PPAT: variants seen among roughly 807,000 people sequenced by gnomAD.
PPAT encodes phosphoribosyl pyrophosphate amidotransferase.
A neutral mutation model predicts 60.2 loss-of-function variants in PPAT; 20 were observed. The ratio of observed to expected loss-of-function variants is 0.33; its 90% confidence interval spans 0.23 to 0.48. PPAT has a LOEUF of 0.48. Ranked by LOEUF, PPAT falls within the 20% of genes least tolerant of loss-of-function variation. The pLI, the probability that PPAT is intolerant of heterozygous loss-of-function variation, is 0.99. For missense variants in PPAT, 349 were observed against 629.6 expected (o/e 0.55, Z 4.77); for synonymous variants, 194 against 215.1 (o/e 0.90, Z 0.86).
intron 1 of PPAT, among the ~76,000 whole-genome samples, chr4:56,432,033 T>A (rs1717611422): frequency 6.6e-6 from 1 of 152,218 alleles, no homozygotes; most frequent in Non-Finnish European, 1.5e-5. Context: ...GATGAACCCA[T>A]CTGGGTTAAA....
chr4:56,410,862 C>T (rs919098989), intron 1 of PPAT: 7 of 933,700 alleles, frequency 7.5e-6, no homozygotes, highest in South Asian at 1.0e-4. Flanking sequence ...TACCTGGAAA[C>T]GCTCAGCCCA....
intron 1 of PPAT, chr4:56,420,959 AG>A (rs1234962239): frequency 3.0e-5 from 3 of 99,880 alleles, no homozygotes; most frequent in Non-Finnish European, 6.2e-5. Context: ...TCTCTAGACC[AG>A]GGGTCCCCAA....
chr4:56,396,054 C>T lies in PPAT; in HGVS notation c.1358-506G>A, dbSNP rs939827344. 2.0e-5 allele frequency among the ~76,000 whole-genome samples: 3 copies of T among 152,064 alleles called. No individual in the cohort carries two copies. Among genetic ancestry groups the T allele is most frequent in the African/African-American group, 7.3e-5 (3 of 41,368 alleles). On this transcript the variant is annotated intron_variant, in intron 10 of 10. Transcript: ENST00000264220. This position sits in a 1 kb window ranked among gnomAD's most constrained non-coding sequence, Gnocchi z 4.6. ...AGGGTGATATTTAAAAATATTTAAC[C>T]AGTGAGGCATATGCATGACAGGTTA...
chr4:56,404,931 G>T (rs1716206690), intron 3 of PPAT, among the ~76,000 whole-genome samples: 1 of 152,072 alleles, frequency 6.6e-6, no homozygotes, highest in African/African-American at 2.4e-5. Context: ...ATGCTTATAG[G>T]ATGGGGTGTG....
rs60051356 is a variant in PPAT, at chr4:56,402,838, AAAAAAAAAAAG to A, written c.661+191_661+201del. Reference sequence around the variant, plus strand: ...CGGTCTCCAAAAAAAAAAAAAAAAAAAAAAAAAAAAGGGGGGGGACTCATCCTCAGGAGTAC... The same window carrying A: ...CGGTCTCCAAAAAAAAAAAAAAAAAAGGGGGGGACTCATCCTCAGGAGTAC... On this transcript the variant is annotated intron_variant, in intron 5 of 10. Transcript: ENST00000264220. 2.1e-3 allele frequency among the ~76,000 whole-genome samples: 252 copies of A among 122,562 alleles called. 7 individuals carry two copies. The highest frequency in any genetic ancestry group is 7.1e-3 in the African/African-American group (234 of 33,154). The allele number at this position is 122,562 out of a possible 152,430, so 80.4% of individuals were successfully genotyped here.
At chr4:56,434,783 C>G (rs1717805690) in intron 1 of PPAT, among the ~76,000 whole-genome samples, 1 of 152,232 alleles carries the variant, frequency 6.6e-6, no homozygotes, top group African/African-American at 2.4e-5. Context: ...TCAACATCAA[C>G]TAGTCATCTT....
At chr4:56,397,666 A>AT (rs1161950172) in intron 9 of PPAT, among the ~76,000 whole-genome samples, 1 of 152,160 alleles carries the variant, frequency 6.6e-6, no homozygotes, top group East Asian at 1.9e-4. Context: ...ATAACTTAAT[A>AT]TATCTATATA....
intron 1 of PPAT, among the ~76,000 whole-genome samples, chr4:56,425,986 G>C (rs1292420040): frequency 6.6e-6 from 1 of 152,104 alleles, no homozygotes; most frequent in African/African-American, 2.4e-5. Context: ...ACTTTTCTGA[G>C]ATGTGATTTA....
intron 5 of PPAT, among the ~76,000 whole-genome samples, 192 bp downstream of exon 5, chr4:56,402,848 A>AAAAAAAAAG (rs1560638308): frequency 1.8e-3 from 135 of 76,076 alleles, no homozygotes; most frequent in African/African-American, 7.6e-3. Context: ...AAAAAAAAAA[A>AAAAAAAAAG]GGGGGGGGAC....
In PPAT at chr4:56,396,707, T is replaced by C. The variant is rs1715975504; in HGVS notation, c.1269A>G (p.Lys423=). Residue 423 remains lysine (K), a synonymous_variant, in exon 10 of 11, where the codon AAA becomes AAG. Transcript: ENST00000264220. The surrounding 1 kb of genome is among the most constrained non-coding windows in gnomAD (Gnocchi z 4.6). ...TGTTTATTCCCATGAAGCATGGATA[T>C]TTAATTGGTGGTGAAGCTACTCGAA... is the stretch of plus-strand genomic sequence containing the variant. ...VHIRVASPPI[K]YPCFMGINIP... The C allele has an allele frequency of 1.2e-6, 2 of 1,612,456 alleles. No homozygotes were observed. Among genetic ancestry groups the C allele is most frequent in the East Asian group, 4.5e-5 (2 of 44,786 alleles).
At chr4:56,424,145 C>T (rs1194864527) in intron 1 of PPAT, among the ~76,000 whole-genome samples, 1 of 152,100 alleles carries the variant, frequency 6.6e-6, no homozygotes, top group African/African-American at 2.4e-5. Flanking sequence ...ACTTTGATAT[C>T]TGGCCAAAAA....
chr4:56,423,388 T>C (rs1717138232), intron 1 of PPAT: 1 of 152,196 alleles, frequency 6.6e-6, no homozygotes. Context: ...CTTGGGATGC[T>C]AAGATTGAAG....
intron 1 of PPAT, among the ~76,000 whole-genome samples, chr4:56,417,468 A>C (rs1450098358): frequency 6.6e-6 from 1 of 152,174 alleles, no homozygotes; most frequent in East Asian, 1.9e-4. Flanking sequence ...TTATTACTGA[A>C]CCATTAATTG....
rs891678311 is a variant in PPAT, at chr4:56,396,412, C to A, written c.1357+207G>T. The A allele has an allele frequency of 1.9e-4, 75 of 397,130 alleles. No individual in the cohort carries two copies. Among genetic ancestry groups the A allele is most frequent in the Non-Finnish European group, 3.1e-4 (71 of 229,874 alleles). 24.6% of individuals were successfully genotyped at this position (397,130 alleles called of 1,614,324 possible). ...ACCACCTCTTCCTTCTCTGATCTCACCTTGGCTTAGCTCTCCAACACAAGA... is the reference window on the plus strand; with the variant it reads ...ACCACCTCTTCCTTCTCTGATCTCAACTTGGCTTAGCTCTCCAACACAAGA... On this transcript the variant is annotated intron_variant, in intron 10 of 10. Transcript: ENST00000264220. The surrounding 1 kb of genome is among the most constrained non-coding windows in gnomAD (Gnocchi z 4.6).
At chr4:56,431,035 T>C (rs1717556826) in intron 1 of PPAT, among the ~76,000 whole-genome samples, 1 of 152,114 alleles carries the variant, frequency 6.6e-6, no homozygotes, top group African/African-American at 2.4e-5. Flanking sequence ...AAAACACTTA[T>C]TTTAAAGCAA....
At position 56,435,258 on chromosome 4, in the gene PPAT, G is replaced by C. The variant is rs989662198; in HGVS notation, c.128+92C>G. The C allele has an allele frequency of 3.8e-6, 6 of 1,566,382 alleles. No individual in the cohort carries two copies. The Admixed American group carries it at 5.2e-5, about 13-fold the overall frequency. On this transcript the variant is annotated intron_variant, in intron 1 of 10. Transcript: ENST00000264220. ...TTAGGTCGGAGAGGTCGGTCCTCCC[G>C]GGCCCTCGGGCGCTCATGAGAACGC...
At position 56,396,740 on chromosome 4, in the gene PPAT, C is replaced by T; in HGVS notation, c.1237-1G>A. ...GTGGTGAAGCTACTCGAATGTGTACCTTGGAAAGAAATCATTGCACACAAG... is the reference window on the plus strand; with the variant it reads ...GTGGTGAAGCTACTCGAATGTGTACTTTGGAAAGAAATCATTGCACACAAG... On this transcript the variant is annotated splice_acceptor_variant, in intron 9 of 10. Coordinates refer to ENST00000264220, the MANE Select transcript of PPAT (RefSeq NM_002703.5). LOFTEE classifies it high-confidence loss of function. The surrounding 1 kb of genome is among the most constrained non-coding windows in gnomAD (Gnocchi z 4.6). 1 of 1,607,038 alleles carries T rather than the reference C, an allele frequency of 6.2e-7. No homozygotes were observed. The highest frequency in any genetic ancestry group is 8.5e-7 in the Non-Finnish European group (1 of 1,177,584).
At chr4:56,412,273 C>A (rs1716499526) in intron 1 of PPAT, among the ~76,000 whole-genome samples, 1 of 151,940 alleles carries the variant, frequency 6.6e-6, no homozygotes, top group Non-Finnish European at 1.5e-5. Flanking sequence ...CCTCAAACTC[C>A]CAATTCCAAA....
chr4:56,418,783 A>G (rs1036429246), intron 1 of PPAT, among the ~76,000 whole-genome samples: 2 of 152,244 alleles, frequency 1.3e-5, no homozygotes, highest in African/African-American at 4.8e-5. Flanking sequence ...TGTCAAAATA[A>G]CCAATATAAA....
Sources: allele counts gnomAD v4.1 joint callset (sites outside exome capture counted in the v4.1 genomes callset), GRCh38; gene constraint gnomAD v4.1.1; non-coding constraint Gnocchi (gnomAD v3.1); transcripts MANE v1.5; gene names NCBI Gene and HGNC (gene_info 2026-07-23, HGNC 2026-07-21).